FARS2: variants seen among roughly 807,000 people sequenced by gnomAD.
FARS2 encodes the protein phenylalanine--tRNA ligase, mitochondrial.
Under a neutral mutation model 46.4 loss-of-function variants are expected in FARS2, and 40 were observed. The ratio of observed to expected loss-of-function variants is 0.86; its 90% CI spans 0.67 to 1.12. The LOEUF is 1.12. Ranked by LOEUF, FARS2 falls within the 50% of genes most tolerant of loss-of-function variation. FARS2 has a pLI of 0.00. For missense variants in FARS2, 513 were observed against 567.9 expected (o/e 0.90, Z 0.98); for synonymous variants, 234 against 214.9 (o/e 1.09, Z -0.78).
At chr6:5,717,934 A>G (rs1248050006) in intron 6 of FARS2, among the ~76,000 whole-genome samples, 5 of 132,202 alleles carry the variant, frequency 3.8e-5, no homozygotes, top group Non-Finnish European at 6.6e-5. Context: ...ATATATATAT[A>G]TACAGAGTCT....
At chr6:5,285,605 TTC>T (rs1262577159) in intron 1 of FARS2, among the ~76,000 whole-genome samples, 1 of 152,198 alleles carries the variant, frequency 6.6e-6, no homozygotes, top group African/African-American at 2.4e-5. Flanking sequence ...AGCAAGTGCA[TTC>T]TCTCTTCAGG....
intron 6 of FARS2, among the ~76,000 whole-genome samples, chr6:5,616,010 TAAAAAAAAA>T (rs11327256): frequency 1.0e-5 from 1 of 95,830 alleles, no homozygotes; most frequent in Admixed American, 1.2e-4. Flanking sequence ...CCATAGCTCT[TAAAAAAAAA>T]AAAAAAAAAA....
chr6:5,530,600 C>G (rs1315859957), intron 4 of FARS2, among the ~76,000 whole-genome samples: 1 of 149,928 alleles, frequency 6.7e-6, no homozygotes, highest in African/African-American at 2.4e-5. Flanking sequence ...GGTAAAGGAG[C>G]ATGATGTATG....
At chr6:5,594,769 C>G (rs1429595500) in intron 5 of FARS2, among the ~76,000 whole-genome samples, 2 of 152,170 alleles carry the variant, frequency 1.3e-5, no homozygotes, top group Non-Finnish European at 2.9e-5. Context: ...CTGGGACCCA[C>G]CTCCAAGGAC....
At chr6:5,524,783 G>A (rs1486330634) in intron 4 of FARS2, among the ~76,000 whole-genome samples, 2 of 152,192 alleles carry the variant, frequency 1.3e-5, no homozygotes, top group Non-Finnish European at 2.9e-5. Flanking sequence ...GATTAGTCTG[G>A]CTGCAGGGTC....
intron 6 of FARS2, among the ~76,000 whole-genome samples, chr6:5,645,604 G>A (rs1452965796): frequency 6.6e-6 from 1 of 152,206 alleles, no homozygotes; most frequent in African/African-American, 2.4e-5. Flanking sequence ...TCCTCTGTGT[G>A]CATGAACTGC....
intron 5 of FARS2, among the ~76,000 whole-genome samples, chr6:5,560,884 T>C (rs773689634): frequency 1.3e-5 from 2 of 152,110 alleles, no homozygotes; most frequent in African/African-American, 2.4e-5. Flanking sequence ...ATCCCAACAC[T>C]CTGGGGGACA....
chr6:5,364,366 C>A (rs1282686506), intron 1 of FARS2, among the ~76,000 whole-genome samples: 1 of 152,178 alleles, frequency 6.6e-6, no homozygotes, highest in Non-Finnish European at 1.5e-5. Flanking sequence ...ACATTAGTAT[C>A]TCTGCGAAGT....
At chr6:5,588,248 G>C (rs530346623) in intron 5 of FARS2, among the ~76,000 whole-genome samples, 4 of 104,468 alleles carry the variant, frequency 3.8e-5, no homozygotes, top group Non-Finnish European at 9.0e-5. Flanking sequence ...GGTGAAGGGC[G>C]GGGGAAGTGG....
At chr6:5,534,844 T>TACACACTTGCACGCGCACAC (rs1554106111) in intron 4 of FARS2, among the ~76,000 whole-genome samples, 7 of 150,632 alleles carry the variant, frequency 4.6e-5, no homozygotes, top group East Asian at 1.9e-4. Flanking sequence ...CACGCACGCA[T>TACACACTTGCACGCGCACAC]ACACACTTGC....
At chr6:5,638,576 AAG>A (rs892178028) in intron 6 of FARS2, among the ~76,000 whole-genome samples, 1 of 152,200 alleles carries the variant, frequency 6.6e-6, no homozygotes, top group African/African-American at 2.4e-5. Flanking sequence ...AAAAACAAAA[AAG>A]AAAAAACAAA....
intron 4 of FARS2, among the ~76,000 whole-genome samples, chr6:5,511,527 G>C (rs115755519): frequency 6.6e-6 from 1 of 152,016 alleles, no homozygotes; most frequent in African/African-American, 2.4e-5. Context: ...AATACCCTGC[G>C]CACAAAGTAG....
intron 6 of FARS2, among the ~76,000 whole-genome samples, chr6:5,673,103 TGCTTCCCATTGAG>T (rs1778564039): frequency 6.6e-6 from 1 of 152,230 alleles, no homozygotes. Flanking sequence ...CCCCAAACTG[TGCTTCCCATTGAG>T]GAAAGGCAAA....
intron 6 of FARS2, among the ~76,000 whole-genome samples, chr6:5,620,335 T>TA (rs532286582): frequency 1.1e-3 from 175 of 152,266 alleles, no homozygotes; most frequent in African/African-American, 4.2e-3. Context: ...ATGCTTCTTA[T>TA]AAAAAAAGTT....
At chr6:5,560,631 A>G (rs1237149638) in intron 5 of FARS2, among the ~76,000 whole-genome samples, 1 of 152,114 alleles carries the variant, frequency 6.6e-6, no homozygotes, top group Non-Finnish European at 1.5e-5. Context: ...AATATTTTGA[A>G]GATTTATGTT....
At chr6:5,497,073 A>G (rs888765063) in intron 4 of FARS2, among the ~76,000 whole-genome samples, 6 of 152,222 alleles carry the variant, frequency 3.9e-5, no homozygotes, top group African/African-American at 1.4e-4. Context: ...TCAATATAAA[A>G]GTAAGGCTAA....
At chr6:5,384,764 C>G (rs939714136) in intron 2 of FARS2, among the ~76,000 whole-genome samples, 2 of 152,120 alleles carry the variant, frequency 1.3e-5, no homozygotes, top group African/African-American at 4.8e-5. Flanking sequence ...GTATAGCACC[C>G]TGACAGCCAG....
intron 3 of FARS2, among the ~76,000 whole-genome samples, chr6:5,405,539 G>A (rs946887517): frequency 7.5e-6 from 1 of 133,852 alleles, no homozygotes; most frequent in African/African-American, 2.8e-5. Flanking sequence ...CCAGGCTGGG[G>A]TGCAGTGCAG....
At chr6:5,501,773 G>A (rs974080814) in intron 4 of FARS2, among the ~76,000 whole-genome samples, 1 of 152,174 alleles carries the variant, frequency 6.6e-6, no homozygotes, top group Non-Finnish European at 1.5e-5. Context: ...GGGATTACAG[G>A]TGTGAGCCAC....
Sources: allele counts gnomAD v4.1 joint callset (sites outside exome capture counted in the v4.1 genomes callset), GRCh38; gene constraint gnomAD v4.1.1; transcripts MANE v1.5; gene names NCBI Gene and HGNC (gene_info 2026-07-23, HGNC 2026-07-21).